CNTNAP2: variants seen among roughly 807,000 people sequenced by gnomAD.
CNTNAP2 encodes the protein contactin-associated protein-like 2.
A neutral mutation model predicts 155.2 loss-of-function variants in CNTNAP2; 98 were observed. The observed-to-expected ratio is 0.63, with a 90% CI of 0.54 to 0.75. The LOEUF is 0.75. Among genes scored for constraint, CNTNAP2 ranks in the 30% least tolerant of loss-of-function variants. The pLI, the probability that CNTNAP2 is intolerant of heterozygous loss-of-function variation, is 0.00. For synonymous variants in CNTNAP2, 651 were observed against 631.2 expected, an observed-to-expected ratio of 1.03 and a Z score of -0.47; for missense variants, 1,727 against 1,688.1, an observed-to-expected ratio of 1.02 and a Z score of -0.40.
At chr7:147,794,880 G>A (rs776172354) in intron 13 of CNTNAP2, among the ~76,000 whole-genome samples, 11 of 151,402 alleles carry the variant, frequency 7.3e-5, no homozygotes, top group African/African-American at 2.4e-4. Flanking sequence ...GCATATATTA[G>A]TTCATAGTTT....
Position 148,103,627 on chromosome 7 carries a change from T to C in CNTNAP2, c.2384-14491T>C, listed in dbSNP as rs2066890. On this transcript the variant is annotated intron_variant, in intron 15 of 23. Coordinates refer to ENST00000361727, the MANE Select transcript of CNTNAP2 (RefSeq NM_014141.6). ...CGAGCAAAGCACAGTGTGTCTAAGC[T>C]CCAATGCTTCACACTAAAAACAGCA... Among the ~76,000 whole-genome samples, 572 of 133,454 alleles carry C rather than the reference T, an allele frequency of 4.3e-3. 1 individual carries two copies. Among genetic ancestry groups the C allele is most frequent in the Middle Eastern group, 0.018 (5 of 284 alleles). The allele number at this position is 133,454 out of a possible 152,430, so 87.6% of individuals were successfully genotyped here.
chr7:146,212,148 C>A (rs945278062), intron 1 of CNTNAP2, among the ~76,000 whole-genome samples: 1 of 152,074 alleles, frequency 6.6e-6, no homozygotes, highest in Non-Finnish European at 1.5e-5. Flanking sequence ...AAAAATACAT[C>A]CAGATCGCAG....
At chr7:147,030,138 G>C (rs1014085115) in intron 3 of CNTNAP2, among the ~76,000 whole-genome samples, 2 of 152,162 alleles carry the variant, frequency 1.3e-5, no homozygotes, top group Non-Finnish European at 2.9e-5. Context: ...TGCATCAAAA[G>C]TGTTGGTTAC....
intron 1 of CNTNAP2, among the ~76,000 whole-genome samples, chr7:146,120,540 A>G (rs1797546774): frequency 6.6e-6 from 1 of 152,160 alleles, no homozygotes; most frequent in Non-Finnish European, 1.5e-5. Context: ...ACAACGTATC[A>G]TTTTAGATGA....
chr7:147,052,599 T>C (rs1799492908), intron 4 of CNTNAP2, among the ~76,000 whole-genome samples: 1 of 152,082 alleles, frequency 6.6e-6, no homozygotes, highest in Non-Finnish European at 1.5e-5. Context: ...TCAGTGTTTT[T>C]TTCTAATTTA....
intron 13 of CNTNAP2, among the ~76,000 whole-genome samples, chr7:147,853,043 T>A (rs1383470953): frequency 6.6e-6 from 1 of 151,972 alleles, no homozygotes. Flanking sequence ...AAAGGGCTTG[T>A]CAATAAAGTG....
chr7:146,430,392 A>C (rs1050832248), intron 1 of CNTNAP2, among the ~76,000 whole-genome samples: 2 of 152,094 alleles, frequency 1.3e-5, no homozygotes, highest in Non-Finnish European at 2.9e-5. Context: ...ATATTTCCTA[A>C]GGTAAAACCA....
chr7:147,507,320 T>C (rs1448388847), intron 11 of CNTNAP2, among the ~76,000 whole-genome samples: 7 of 152,096 alleles, frequency 4.6e-5, no homozygotes, highest in Admixed American at 3.9e-4. Context: ...TTAAAAATTG[T>C]TAATCTTTCT....
chr7:146,277,662 G>T (rs1319184642), intron 1 of CNTNAP2, among the ~76,000 whole-genome samples: 1 of 152,118 alleles, frequency 6.6e-6, no homozygotes, highest in African/African-American at 2.4e-5. Flanking sequence ...TAATCTTACA[G>T]GAAACTTCCC....
At chr7:146,266,034 A>G (rs1457789814) in intron 1 of CNTNAP2, among the ~76,000 whole-genome samples, 2 of 152,090 alleles carry the variant, frequency 1.3e-5, no homozygotes, top group East Asian at 1.9e-4. Flanking sequence ...GGTGATACAC[A>G]TATTATCAAA....
chr7:146,574,207 A>G (rs934834291), intron 1 of CNTNAP2, among the ~76,000 whole-genome samples: 2 of 152,066 alleles, frequency 1.3e-5, no homozygotes, highest in East Asian at 1.9e-4. Context: ...TTAAAACAAA[A>G]CAAAACAAAA....
At chr7:147,993,696 G>A (rs954270516) in intron 15 of CNTNAP2, among the ~76,000 whole-genome samples, 2 of 152,122 alleles carry the variant, frequency 1.3e-5, no homozygotes, top group Admixed American at 6.5e-5. Context: ...TATTAAACCC[G>A]ACTTTGTCTT....
intron 15 of CNTNAP2, among the ~76,000 whole-genome samples, chr7:148,106,493 G>GATAGATATATATATATATATAC (rs1490418389): frequency 8.0e-6 from 1 of 124,926 alleles, no homozygotes; most frequent in Non-Finnish European, 1.6e-5. Context: ...CACACTTTGA[G>GATAGATATATATATATATATAC]ATATATATAT....
chr7:146,278,724 A>G (rs1337354265), intron 1 of CNTNAP2, among the ~76,000 whole-genome samples: 1 of 152,204 alleles, frequency 6.6e-6, no homozygotes, highest in African/African-American at 2.4e-5. Context: ...GATTAACCTT[A>G]TTTTGTAGTG....
At chr7:147,311,248 A>G (rs1795120658) in intron 9 of CNTNAP2, among the ~76,000 whole-genome samples, 1 of 152,220 alleles carries the variant, frequency 6.6e-6, no homozygotes, top group South Asian at 2.1e-4. Context: ...TACTCTAAGA[A>G]GCAGAGGTTA....
At chr7:148,142,195 G>T (rs1805088842) in intron 16 of CNTNAP2, among the ~76,000 whole-genome samples, 2 of 151,352 alleles carry the variant, frequency 1.3e-5, no homozygotes, top group Middle Eastern at 3.4e-3. Context: ...CCTTGAGCTG[G>T]TAGGAAGGAT....
chr7:146,563,206 T>C (rs1412105617), intron 1 of CNTNAP2, among the ~76,000 whole-genome samples: 1 of 152,232 alleles, frequency 6.6e-6, no homozygotes, highest in Admixed American at 6.5e-5. Flanking sequence ...TTGTTGTTCC[T>C]TAAATATGAC....
intron 18 of CNTNAP2, among the ~76,000 whole-genome samples, chr7:148,208,635 G>A (rs1240618706): frequency 1.3e-5 from 2 of 152,106 alleles, no homozygotes; most frequent in African/African-American, 4.8e-5. Context: ...TGGTAACTAC[G>A]AAGTTCATGA....
chr7:148,095,273 G>A (rs1291017749), intron 15 of CNTNAP2, among the ~76,000 whole-genome samples: 2 of 152,166 alleles, frequency 1.3e-5, no homozygotes, highest in Admixed American at 6.5e-5. Flanking sequence ...TATCTGTGGG[G>A]CTTGCCAAGC....
Sources: allele counts gnomAD v4.1 joint callset (sites outside exome capture counted in the v4.1 genomes callset), GRCh38; gene constraint gnomAD v4.1.1; transcripts MANE v1.5; gene names NCBI Gene and HGNC (gene_info 2026-07-23, HGNC 2026-07-21).